Variants in GABRA5 observed in about 807,000 individuals in gnomAD.
GABRA5 encodes gamma-aminobutyric acid type A receptor subunit alpha5.
Under a neutral mutation model 47.3 loss-of-function variants are expected in GABRA5, and 18 were observed. The observed-to-expected ratio is 0.38, with a 90% CI of 0.26 to 0.56. The LOEUF (loss-of-function observed/expected upper bound fraction) is 0.56. Among genes scored for constraint, GABRA5 ranks in the 20% least tolerant of loss-of-function variants. GABRA5 has a pLI of 0.71. For missense variants in GABRA5, 365 were observed against 599.3 expected, an observed-to-expected ratio of 0.61 and a Z score of 4.08; for synonymous variants, 237 against 229.3, an observed-to-expected ratio of 1.03 and a Z score of -0.30.
In GABRA5 at chr15:26,901,187, A is replaced by G. The variant is rs375255079; in HGVS notation, c.498-13616A>G. On this transcript the variant is annotated intron_variant, in intron 6 of 10. Transcript: ENST00000335625. The stretch of plus-strand genomic sequence containing the variant: ...TCTTTGGGTAAATACAAAGAGCACA[A>G]TTGCTGATACAGTAAGGGTTTGTTT... Among the ~76,000 whole-genome samples, 13 of 149,822 alleles carry G rather than the reference A, an allele frequency of 8.7e-5. No individual in the cohort carries two copies. In the South Asian group the frequency reaches 1.0e-3, roughly 12 times the overall value.
intron 6 of GABRA5, among the ~76,000 whole-genome samples, chr15:26,895,710 G>T (rs1893167860): frequency 6.6e-6 from 1 of 151,606 alleles, no homozygotes; most frequent in African/African-American, 2.4e-5. Context: ...CTACTCGGGA[G>T]GCGGAGGCAG....
chr15:26,945,084 C>T (rs1207297669), intron 10 of GABRA5, among the ~76,000 whole-genome samples: 6 of 152,150 alleles, frequency 3.9e-5, no homozygotes, highest in Admixed American at 6.5e-5. Context: ...CTGTCTAATC[C>T]GAGGAGAGAA....
intron 7 of GABRA5, among the ~76,000 whole-genome samples, chr15:26,919,034 T>C (rs1239999930): frequency 6.6e-6 from 1 of 152,170 alleles, no homozygotes; most frequent in African/African-American, 2.4e-5. Flanking sequence ...TCACAGCTAT[T>C]TGGGAGGATG....
At chr15:26,900,512 C>T (rs577885486) in intron 6 of GABRA5, among the ~76,000 whole-genome samples, 1 of 152,212 alleles carries the variant, frequency 6.6e-6, no homozygotes, top group Non-Finnish European at 1.5e-5. Flanking sequence ...AACGAACTCC[C>T]TCAGTTTTTA....
intron 7 of GABRA5, among the ~76,000 whole-genome samples, chr15:26,915,796 G>A (rs1333315790): frequency 1.3e-5 from 2 of 152,058 alleles, no homozygotes; most frequent in Non-Finnish European, 2.9e-5. Flanking sequence ...TTGAATCCTG[G>A]CTATCCCACT....
chr15:26,885,355 C>G (rs577174498), intron 6 of GABRA5, among the ~76,000 whole-genome samples: 26 of 120,280 alleles, frequency 2.2e-4, no homozygotes, highest in African/African-American at 7.5e-4. Flanking sequence ...GGGGCGTGAG[C>G]TCTATCCTGT....
At chr15:26,940,420 G>A (rs2140589267) in intron 9 of GABRA5, among the ~76,000 whole-genome samples, 1 of 152,252 alleles carries the variant, frequency 6.6e-6, no homozygotes, top group Middle Eastern at 3.4e-3. Context: ...GACCGGAAGT[G>A]TTTCAGATAT....
intron 6 of GABRA5, among the ~76,000 whole-genome samples, chr15:26,898,243 G>A (rs931239439): frequency 2.6e-5 from 4 of 152,192 alleles, no homozygotes; most frequent in African/African-American, 4.8e-5. Context: ...AGTGAGTCAA[G>A]GCCCATGGGA....
intron 6 of GABRA5, among the ~76,000 whole-genome samples, chr15:26,893,305 T>C (rs372698297): frequency 0.018 from 514 of 28,620 alleles, 2 homozygotes; most frequent in African/African-American, 0.057. Context: ...GTGTATATGG[T>C]GTGTTGTGTG....
chr15:26,870,358 T>C (rs890703677), intron 3 of GABRA5, among the ~76,000 whole-genome samples: 3 of 152,212 alleles, frequency 2.0e-5, no homozygotes, highest in African/African-American at 7.2e-5. Flanking sequence ...GTGGGGGCCT[T>C]GCTCAGGTGC....
At chr15:26,892,137 C>T (rs540805669) in intron 6 of GABRA5, among the ~76,000 whole-genome samples, 4 of 152,370 alleles carry the variant, frequency 2.6e-5, no homozygotes, top group East Asian at 1.9e-4. Context: ...AAGTGTTTCC[C>T]GGTTGGCCCG....
At chr15:26,876,777 G>A (rs184534994) in intron 3 of GABRA5, among the ~76,000 whole-genome samples, 49 of 152,320 alleles carry the variant, frequency 3.2e-4, no homozygotes, top group Middle Eastern at 3.4e-3. Flanking sequence ...TTTAAAGAGC[G>A]GTGGTATTAG....
intron 3 of GABRA5, among the ~76,000 whole-genome samples, chr15:26,877,355 C>A (rs1424650587): frequency 6.6e-6 from 1 of 152,130 alleles, no homozygotes; most frequent in African/African-American, 2.4e-5. Flanking sequence ...GAAAACATCA[C>A]ACAATGGTGC....
chr15:26,871,480 G>A (rs1378185021), intron 3 of GABRA5, among the ~76,000 whole-genome samples: 1 of 152,158 alleles, frequency 6.6e-6, no homozygotes, highest in Non-Finnish European at 1.5e-5. Context: ...AAAATTAACT[G>A]TTGGAGCAGT....
chr15:26,947,262 A>G (rs1181980161), intron 10 of GABRA5, among the ~76,000 whole-genome samples: 2 of 152,146 alleles, frequency 1.3e-5, no homozygotes, highest in African/African-American at 2.4e-5. Flanking sequence ...GGTTTGTTGT[A>G]TAGGTAACTC....
intron 6 of GABRA5, among the ~76,000 whole-genome samples, chr15:26,909,227 G>A (rs1156332342): frequency 6.6e-6 from 1 of 152,014 alleles, no homozygotes; most frequent in African/African-American, 2.4e-5. Context: ...TTCCACTTCC[G>A]CCATCAGATT....
At chr15:26,888,861 T>TC (rs1175308127) in intron 6 of GABRA5, among the ~76,000 whole-genome samples, 1 of 151,920 alleles carries the variant, frequency 6.6e-6, no homozygotes, top group Non-Finnish European at 1.5e-5. Flanking sequence ...GGAGAGCAAG[T>TC]CCCCCCGGTA....
chr15:26,946,407 T>C, intron 10 of GABRA5, among the ~76,000 whole-genome samples: 1 of 150,096 alleles, frequency 6.7e-6, no homozygotes, highest in Admixed American at 6.7e-5. Context: ...TATCTGTCCA[T>C]CAATACACCC....
chr15:26,898,993 T>C (rs1303420808), intron 6 of GABRA5, among the ~76,000 whole-genome samples: 1 of 152,070 alleles, frequency 6.6e-6, no homozygotes, highest in Non-Finnish European at 1.5e-5. Flanking sequence ...ACCTCAGCCT[T>C]CCAAGTAGTT....
Sources: gnomAD v4.1 joint callset for allele counts (sites outside exome capture counted in the v4.1 genomes callset) on GRCh38, gnomAD v4.1.1 for gene constraint, MANE v1.5 for transcripts, NCBI Gene and HGNC (gene_info 2026-07-23, HGNC 2026-07-21) for gene names.